Variants in ARHGAP15 observed in about 807,000 individuals in gnomAD.
The protein encoded by ARHGAP15 is rho GTPase-activating protein 15.
A neutral mutation model predicts 63.7 loss-of-function variants in ARHGAP15; 51 were observed. The observed-to-expected ratio is 0.80, with a 90% CI of 0.64 to 1.01. The LOEUF (loss-of-function observed/expected upper bound fraction) is 1.01. ARHGAP15 is among the 50% of genes least tolerant of loss of function. The pLI, the probability that ARHGAP15 is intolerant of heterozygous loss-of-function variation, is 0.00. For synonymous variants in ARHGAP15, 191 were observed against 193.8 expected, an observed-to-expected ratio of 0.99 and a Z score of 0.12; for missense variants, 560 against 564.6, an observed-to-expected ratio of 0.99 and a Z score of 0.08.
At chr2:143,492,827 C>T (rs1280654610) in intron 9 of ARHGAP15, among the ~76,000 whole-genome samples, 3 of 151,852 alleles carry the variant, frequency 2.0e-5, no homozygotes, top group Non-Finnish European at 2.9e-5. Flanking sequence ...GAGGCAGAGG[C>T]GGGCAGATCA....
At position 143,754,422 on chromosome 2, in the gene ARHGAP15, A is replaced by G. The variant is rs1484896334; in HGVS notation, c.1245-13567A>G. Reference sequence around the variant, plus strand: ...CTTCATTCCCTTTTCATTTGCAGTCATCATCCCCAACTTCCAATCCCAGGT... The same window carrying G: ...CTTCATTCCCTTTTCATTTGCAGTCGTCATCCCCAACTTCCAATCCCAGGT... On this transcript the variant is annotated intron_variant, in intron 13 of 13. Coordinates refer to ENST00000295095, the MANE Select transcript of ARHGAP15 (RefSeq NM_018460.4). 2.0e-5 allele frequency among the ~76,000 whole-genome samples: 3 copies of G among 152,212 alleles called. No individual in the cohort carries two copies. In the East Asian group the frequency reaches 5.8e-4, roughly 29 times the overall value.
intron 10 of ARHGAP15, among the ~76,000 whole-genome samples, chr2:143,547,578 A>T (rs1015334577): frequency 7.9e-5 from 12 of 152,200 alleles, no homozygotes; most frequent in South Asian, 6.2e-4. Flanking sequence ...TAAAAAAAAA[A>T]AATTGGTTAG....
intron 12 of ARHGAP15, among the ~76,000 whole-genome samples, chr2:143,632,663 T>C: frequency 6.6e-6 from 1 of 152,126 alleles, no homozygotes; most frequent in Non-Finnish European, 1.5e-5. Context: ...CACATCCTCA[T>C]CAGATAAAAA....
At chr2:143,541,964 TG>T (rs1300879940) in intron 10 of ARHGAP15, among the ~76,000 whole-genome samples, 1 of 152,194 alleles carries the variant, frequency 6.6e-6, no homozygotes, top group Non-Finnish European at 1.5e-5. Flanking sequence ...GTCTGTGCCC[TG>T]CCCCCAGAGG....
At chr2:143,487,347 AG>A in intron 8 of ARHGAP15, 25 bp from the exon 9 acceptor site, 1 of 1,578,474 alleles carries the variant, frequency 6.3e-7, no homozygotes, top group Non-Finnish European at 8.6e-7. Context: ...ATTTACCAAA[AG>A]CCTCTGATTT....
intron 4 of ARHGAP15, among the ~76,000 whole-genome samples, chr2:143,224,805 G>T (rs1262278016): frequency 1.3e-5 from 2 of 152,150 alleles, no homozygotes; most frequent in East Asian, 3.9e-4. Context: ...GGGTGAGAAA[G>T]CTATTCCCCT....
chr2:143,637,232 TTA>T (rs1680364810), intron 12 of ARHGAP15, among the ~76,000 whole-genome samples: 1 of 152,136 alleles, frequency 6.6e-6, no homozygotes. Context: ...TTGCACAACT[TTA>T]TCAGTGCAGA....
At chr2:143,571,150 C>A (rs1260069982) in intron 11 of ARHGAP15, among the ~76,000 whole-genome samples, 5 of 152,190 alleles carry the variant, frequency 3.3e-5, no homozygotes, top group Admixed American at 3.3e-4. Flanking sequence ...CTCCCATAAC[C>A]CCCAAATGGG....
At chr2:143,131,915 T>C in intron 1 of ARHGAP15, among the ~76,000 whole-genome samples, 1 of 152,038 alleles carries the variant, frequency 6.6e-6, no homozygotes, top group Admixed American at 6.6e-5. Context: ...TCTGGAAGTG[T>C]CTCATATGAA....
At chr2:143,432,746 A>T (rs1003005390) in intron 6 of ARHGAP15, among the ~76,000 whole-genome samples, 1 of 152,092 alleles carries the variant, frequency 6.6e-6, no homozygotes, top group African/African-American at 2.4e-5. Flanking sequence ...ACTTAAAGAT[A>T]TGCATTATTG....
intron 12 of ARHGAP15, 142 bp downstream of exon 12, chr2:143,624,409 G>A: frequency 2.1e-6 from 2 of 950,650 alleles, no homozygotes; most frequent in Non-Finnish European, 2.8e-6. Context: ...TTTCGTTTTT[G>A]TGTTTTGATG....
intron 8 of ARHGAP15, among the ~76,000 whole-genome samples, chr2:143,469,057 G>T (rs1359726414): frequency 1.3e-5 from 2 of 152,056 alleles, no homozygotes; most frequent in African/African-American, 4.8e-5. Flanking sequence ...TTTGCCATGA[G>T]TTTTCAAGAA....
chr2:143,581,207 G>A (rs1300521155), intron 11 of ARHGAP15, among the ~76,000 whole-genome samples: 2 of 151,074 alleles, frequency 1.3e-5, no homozygotes, highest in African/African-American at 4.9e-5. Flanking sequence ...AGTGCCAAGT[G>A]ACATTTGTCT....
chr2:143,728,825 G>A (rs1685404074), intron 13 of ARHGAP15, among the ~76,000 whole-genome samples: 1 of 152,196 alleles, frequency 6.6e-6, no homozygotes, highest in Admixed American at 6.5e-5. Context: ...TAATGCGTGA[G>A]CTACCACTCT....
intron 6 of ARHGAP15, among the ~76,000 whole-genome samples, chr2:143,382,302 T>C (rs1221406315): frequency 2.6e-5 from 4 of 152,116 alleles, no homozygotes; most frequent in South Asian, 2.1e-4. Context: ...AATCAAGGTG[T>C]CTTCAGGGCA....
At chr2:143,502,120 T>C (rs948272276) in intron 9 of ARHGAP15, among the ~76,000 whole-genome samples, 1 of 152,022 alleles carries the variant, frequency 6.6e-6, no homozygotes, top group Non-Finnish European at 1.5e-5. Context: ...TAAAAGACTT[T>C]GGGTTTGGCT....
At chr2:143,214,532 G>A (rs944560134) in intron 3 of ARHGAP15, among the ~76,000 whole-genome samples, 1 of 152,148 alleles carries the variant, frequency 6.6e-6, no homozygotes, top group Non-Finnish European at 1.5e-5. Context: ...CAAATGAATA[G>A]ATGTATCCAA....
chr2:143,544,289 T>C (rs1007130971), intron 10 of ARHGAP15, among the ~76,000 whole-genome samples: 1 of 152,164 alleles, frequency 6.6e-6, no homozygotes, highest in Non-Finnish European at 1.5e-5. Context: ...AAATTAGAGA[T>C]ACAAAATACA....
chr2:143,152,149 C>T (rs571977556), intron 1 of ARHGAP15, among the ~76,000 whole-genome samples: 6 of 151,974 alleles, frequency 3.9e-5, no homozygotes, highest in Non-Finnish European at 7.4e-5. Context: ...GTCAATCATT[C>T]AGCCAGATGA....
Sources: gnomAD v4.1 joint callset for allele counts (sites outside exome capture counted in the v4.1 genomes callset) on GRCh38, gnomAD v4.1.1 for gene constraint, MANE v1.5 for transcripts, NCBI Gene and HGNC (gene_info 2026-07-23, HGNC 2026-07-21) for gene names.